HPS1: variants seen among roughly 807,000 people sequenced by gnomAD.
HPS1 encodes the protein BLOC-3 complex member HPS1.
HPS1 carries 59 observed loss-of-function variants against 90.6 expected under a neutral mutation model. The ratio of observed to expected loss-of-function variants is 0.65; its 90% CI spans 0.53 to 0.81. The LOEUF (loss-of-function observed/expected upper bound fraction) is 0.81. Ranked by LOEUF, HPS1 falls within the 30% of genes least tolerant of loss-of-function variation. The probability of loss-of-function intolerance (pLI) is 0.00; values close to 1 mark genes in which losing one functional copy is unlikely to be tolerated. For missense variants in HPS1, 849 were observed against 896.7 expected, an observed-to-expected ratio of 0.95 and a Z score of 0.68; for synonymous variants, 388 against 384.4, an observed-to-expected ratio of 1.01 and a Z score of -0.11.
chr10:98,444,262 C>A (rs970490080), intron 2 of HPS1, among the ~76,000 whole-genome samples: 2 of 151,978 alleles, frequency 1.3e-5, no homozygotes, highest in African/African-American at 2.4e-5. Flanking sequence ...TCCCCACCCC[C>A]CCGCCACACA....
At chr10:98,441,387 A>G (rs1938393074) in intron 3 of HPS1, among the ~76,000 whole-genome samples, 1 of 152,220 alleles carries the variant, frequency 6.6e-6, no homozygotes, top group Admixed American at 6.5e-5. Context: ...TTCAAAGTAG[A>G]TCATCAGACC....
chr10:98,420,032 C>T lies in HPS1; in HGVS notation c.1857+13G>A. On this transcript the variant is annotated intron_variant, in intron 18 of 19. Coordinates refer to ENST00000361490, the MANE Select transcript of HPS1 (RefSeq NM_000195.5). ...TGTGGCCCGTCCTGGCCCAGGGACT[C>T]AGCCTCACCTACCATGTCATTCTCG... 6.4e-7 allele frequency: 1 copy of T among 1,558,326 alleles called. No homozygotes were observed. Among genetic ancestry groups the T allele is most frequent in the South Asian group, 1.1e-5 (1 of 89,962 alleles).
chr10:98,420,057 G>A lies in HPS1; in HGVS notation c.1845C>T (p.Phe615=), dbSNP rs747559812. Residue 615 remains phenylalanine (F), a synonymous_variant, in exon 18 of 20, where the codon TTC becomes TTT. Transcript: ENST00000361490. Reference sequence around the variant, plus strand: ...CAGCCTCACCTACCATGTCATTCTCGAACCACAGGAAGTAGGAGCAGTAGA... The same window carrying A: ...CAGCCTCACCTACCATGTCATTCTCAAACCACAGGAAGTAGGAGCAGTAGA... The part of the protein sequence containing the change: ...GDFYCSYFLW[F]ENDMGYKLQM... 6 of 1,612,010 alleles carry A rather than the reference G, an allele frequency of 3.7e-6. No individual in the cohort carries two copies. The highest frequency in any genetic ancestry group is 1.6e-4 in the Middle Eastern group (1 of 6,080).
chr10:98,439,264 C>T (rs557364519), intron 3 of HPS1, among the ~76,000 whole-genome samples: 1 of 152,300 alleles, frequency 6.6e-6, no homozygotes, highest in South Asian at 2.1e-4. Context: ...GGCCATCATC[C>T]TCTAGCCCCC....
At chr10:98,430,526 T>C (rs767390718) in intron 8 of HPS1, 45 bp downstream of exon 8, 43 of 1,463,512 alleles carry the variant, frequency 2.9e-5, no homozygotes, top group Admixed American at 1.2e-4. Flanking sequence ...TTTTCTGAAC[T>C]ACCTCCCTAA....
intron 6 of HPS1, 128 bp from the exon 7 acceptor site, chr10:98,431,419 A>C (rs927696129): frequency 2.0e-6 from 2 of 1,008,836 alleles, no homozygotes; most frequent in African/African-American, 1.6e-5. Flanking sequence ...ACTTGGAAAC[A>C]GGGGGACTAA....
rs779339521 is a variant in HPS1 at position 98,416,411 on chromosome 10, A to G, written c.*1153T>C. On this transcript the variant is annotated 3_prime_UTR_variant, in exon 20 of 20. Coordinates refer to ENST00000361490, the MANE Select transcript of HPS1 (RefSeq NM_000195.5). ...TCCACAATCCACGCTTTTCATTGCC[A>G]TTCCATCAGATGATGTTAAGGAGGA... The G allele has an allele frequency of 6.6e-6, 1 of 152,314 alleles. No homozygotes were observed. Among genetic ancestry groups the G allele is most frequent in the Non-Finnish European group, 1.5e-5 (1 of 68,050 alleles). The allele number at this position is 152,314 out of a possible 1,614,324, so 9.4% of individuals were successfully genotyped here. A position where few individuals can be genotyped will look rare whatever the true frequency, so the allele number is the denominator to read the frequency against.
Position 98,420,897 on chromosome 10 carries a change from T to A in HPS1, c.1744-739A>T, listed in dbSNP as rs75996210. ...GCTGGGAACTGATGGCACAGGTGAG[T>A]GACCCTGTAGGATGTGCTGAGCCAG... On this transcript the variant is annotated intron_variant, in intron 17 of 19. Coordinates refer to ENST00000361490, the MANE Select transcript of HPS1 (RefSeq NM_000195.5). Among the ~76,000 whole-genome samples the A allele has an allele frequency of 1.7e-3, 257 of 152,126 alleles. 1 individual carries two copies. The highest frequency in any genetic ancestry group is 6.0e-3 in the African/African-American group (248 of 41,492).
chr10:98,438,984 CT>C (rs1204046444), intron 3 of HPS1, among the ~76,000 whole-genome samples: 3 of 152,178 alleles, frequency 2.0e-5, no homozygotes, highest in African/African-American at 7.2e-5. Flanking sequence ...ATAGCTCTGG[CT>C]GTTGTTTCAG....
chr10:98,429,396 C>A, intron 10 of HPS1, 177 bp downstream of exon 10: 2 of 1,533,670 alleles, frequency 1.3e-6, no homozygotes, highest in Non-Finnish European at 1.7e-6. Flanking sequence ...TGAGTTCAGG[C>A]TGGAGCTGGC....
chr10:98,417,777 C>G lies in HPS1; in HGVS notation c.1941-51G>C, dbSNP rs767230037. 1.9e-6 allele frequency: 3 copies of G among 1,553,674 alleles called. No homozygotes were observed. Among genetic ancestry groups the G allele is most frequent in the Non-Finnish European group, 2.7e-6 (3 of 1,126,400 alleles). Reference sequence around the variant, plus strand: ...TCAGGAGTGAGGCTGTGGCACTCCTCCAGCGCCAGAGGCCTCTCTGGGCCC... The same window carrying G: ...TCAGGAGTGAGGCTGTGGCACTCCTGCAGCGCCAGAGGCCTCTCTGGGCCC... On this transcript the variant is annotated intron_variant, in intron 19 of 19. Coordinates refer to ENST00000361490, the MANE Select transcript of HPS1 (RefSeq NM_000195.5). This position sits in a 1 kb window ranked among gnomAD's most constrained non-coding sequence, Gnocchi z 4.2.
At chr10:98,442,656 C>G in intron 3 of HPS1, 1 of 251,784 alleles carries the variant, frequency 4.0e-6, no homozygotes, top group African/African-American at 2.2e-5. Flanking sequence ...TAGGCACGCA[C>G]CACCACACCT....
At chr10:98,432,479 G>C (rs1846616659) in intron 6 of HPS1, among the ~76,000 whole-genome samples, 1 of 152,130 alleles carries the variant, frequency 6.6e-6, no homozygotes, top group South Asian at 2.1e-4. Flanking sequence ...GAATGAGTGG[G>C]GGTATGAGAA....
At chr10:98,438,751 A>C (rs1564866855) in intron 3 of HPS1, among the ~76,000 whole-genome samples, 1 of 152,272 alleles carries the variant, frequency 6.6e-6, no homozygotes, top group Non-Finnish European at 1.5e-5. Context: ...CCCTGGCTGC[A>C]GAAATTTGCA....
At chr10:98,434,162 C>T in intron 5 of HPS1, 71 bp from the exon 6 acceptor site, 1 of 1,453,690 alleles carries the variant, frequency 6.9e-7, no homozygotes, top group Non-Finnish European at 9.3e-7. Flanking sequence ...AACCAAAGGA[C>T]CACAGTCTCA....
chr10:98,426,398 A>T (rs1394860160), intron 11 of HPS1, among the ~76,000 whole-genome samples: 1 of 152,212 alleles, frequency 6.6e-6, no homozygotes, highest in Non-Finnish European at 1.5e-5. Flanking sequence ...CAGCCACTCA[A>T]ATTGGGGAAA....
intron 3 of HPS1, 105 bp downstream of exon 3, chr10:98,443,019 G>T: frequency 1.2e-6 from 1 of 851,768 alleles, no homozygotes; most frequent in Non-Finnish European, 2.1e-6. Flanking sequence ...TGCTCATGCT[G>T]CCCAGGACAG....
chr10:98,425,502 C>T (rs371595579), intron 13 of HPS1, 39 bp downstream of exon 13: 23 of 1,578,812 alleles, frequency 1.5e-5, no homozygotes, highest in Non-Finnish European at 1.9e-5. Context: ...CCAGCCCTGC[C>T]TCTTCCCCAG....
rs561503729 is a variant in HPS1, at chr10:98,421,773, G to A, written c.1743+596C>T. ...CATGTACTCTTCATAACTCTGTGAT[G>A]TAAATAGCACTATTATTTCCTTCTA... On this transcript the variant is annotated intron_variant, in intron 17 of 19. Transcript: ENST00000361490. Among the ~76,000 whole-genome samples the A allele has an allele frequency of 2.6e-5, 4 of 152,322 alleles. No homozygotes were observed. In the South Asian group the frequency reaches 6.2e-4, roughly 24 times the overall value.
Sources: allele counts gnomAD v4.1 joint callset (sites outside exome capture counted in the v4.1 genomes callset), GRCh38; gene constraint gnomAD v4.1.1; non-coding constraint Gnocchi (gnomAD v3.1); transcripts MANE v1.5; gene names NCBI Gene and HGNC (gene_info 2026-07-23, HGNC 2026-07-21).